Variants in CADM1 observed in about 807,000 individuals in gnomAD.
The protein encoded by CADM1 is TSLC-1.
A neutral mutation model predicts 53.1 loss-of-function variants in CADM1; 15 were observed. The ratio of observed to expected loss-of-function variants is 0.28; its 90% CI spans 0.19 to 0.44. CADM1 has a LOEUF of 0.44. Among genes scored for constraint, CADM1 ranks in the 20% least tolerant of loss-of-function variants. The pLI, the probability that CADM1 is intolerant of heterozygous loss-of-function variation, is 1.00. For missense variants in CADM1, 434 were observed against 611.3 expected, an observed-to-expected ratio of 0.71 and a Z score of 3.06; for synonymous variants, 281 against 243.0, an observed-to-expected ratio of 1.16 and a Z score of -1.45.
At chr11:115,411,520 C>A (rs1385659817) in intron 1 of CADM1, among the ~76,000 whole-genome samples, 2 of 152,152 alleles carry the variant, frequency 1.3e-5, no homozygotes, top group African/African-American at 4.8e-5. Context: ...CTACAATCTG[C>A]CACATGAAAT....
intron 10 of CADM1, among the ~76,000 whole-genome samples, chr11:115,180,227 C>G (rs1314570865): frequency 6.6e-6 from 1 of 152,094 alleles, no homozygotes; most frequent in Non-Finnish European, 1.5e-5. Flanking sequence ...GGAAATAACT[C>G]GTGACTGAGG....
intron 1 of CADM1, among the ~76,000 whole-genome samples, chr11:115,480,749 G>A (rs1591290057): frequency 6.6e-6 from 1 of 152,108 alleles, no homozygotes; most frequent in African/African-American, 2.4e-5. Context: ...ACCCTGCACA[G>A]CTCCATCTCA....
chr11:115,385,427 C>A (rs1946675810), intron 1 of CADM1, among the ~76,000 whole-genome samples: 1 of 152,006 alleles, frequency 6.6e-6, no homozygotes, highest in Admixed American at 6.6e-5. Context: ...TTGAAACAGA[C>A]AATAAAACAA....
chr11:115,291,413 C>T (rs1195811391), intron 1 of CADM1, among the ~76,000 whole-genome samples: 1 of 152,152 alleles, frequency 6.6e-6, no homozygotes, highest in East Asian at 1.9e-4. Context: ...TTACTAAAAG[C>T]ATCCACCTGC....
intron 1 of CADM1, among the ~76,000 whole-genome samples, chr11:115,374,177 G>T (rs1946382418): frequency 6.6e-6 from 1 of 152,032 alleles, no homozygotes; most frequent in Non-Finnish European, 1.5e-5. Context: ...GATGAGCCTG[G>T]AATATCTTAT....
chr11:115,385,733 G>C (rs182313099), intron 1 of CADM1, among the ~76,000 whole-genome samples: 3 of 151,714 alleles, frequency 2.0e-5, no homozygotes, highest in Non-Finnish European at 2.9e-5. Context: ...AATATAAGTA[G>C]ATAAAGCCTT....
intron 1 of CADM1, among the ~76,000 whole-genome samples, chr11:115,327,946 ACTGT>A (rs1430576501): frequency 6.6e-6 from 1 of 152,116 alleles, no homozygotes; most frequent in Non-Finnish European, 1.5e-5. Context: ...TCTATTAAGA[ACTGT>A]CTTACACTCA....
rs570781560 is a variant in CADM1, at chr11:115,504,197, T to TC, written c.124+73dup. 387 of 1,548,164 alleles carry TC rather than the reference T, an allele frequency of 2.5e-4. No individual in the cohort carries two copies. The African/African-American group carries it at 4.7e-3, about 19-fold the overall frequency. On this transcript the variant is annotated intron_variant, in intron 1 of 11. Coordinates refer to ENST00000331581, the MANE Select transcript of CADM1 (RefSeq NM_001301043.2). ...GGGGGGAGGTTGTCATGGAAACGTT[T>TC]CCCCCCTCTGTGGCCAAGGCTACTG...
At chr11:115,267,016 C>T (rs186294352) in intron 1 of CADM1, among the ~76,000 whole-genome samples, 18 of 152,276 alleles carry the variant, frequency 1.2e-4, no homozygotes, top group Admixed American at 3.9e-4. Flanking sequence ...ATGAGTAGAT[C>T]GACAGCCCTT....
chr11:115,452,283 T>C (rs1346219154), intron 1 of CADM1, among the ~76,000 whole-genome samples: 1 of 152,122 alleles, frequency 6.6e-6, no homozygotes, highest in African/African-American at 2.4e-5. Context: ...TCTGATTATG[T>C]GAACCAGACT....
chr11:115,444,760 C>T (rs1948411695), intron 1 of CADM1, among the ~76,000 whole-genome samples: 1 of 152,152 alleles, frequency 6.6e-6, no homozygotes, highest in Non-Finnish European at 1.5e-5. Context: ...TTTCACATTA[C>T]TAGTAGAAAA....
intron 1 of CADM1, among the ~76,000 whole-genome samples, chr11:115,412,031 C>T (rs1341081059): frequency 2.0e-5 from 3 of 152,086 alleles, no homozygotes; most frequent in Non-Finnish European, 4.4e-5. Flanking sequence ...TGAAAATATG[C>T]TAGTTCACTC....
intron 1 of CADM1, among the ~76,000 whole-genome samples, chr11:115,321,499 C>G (rs570404323): frequency 7.9e-5 from 12 of 152,096 alleles, no homozygotes; most frequent in Non-Finnish European, 1.6e-4. Context: ...AAATCATATT[C>G]CAATGCATTT....
At chr11:115,231,122 T>C (rs1483055860) in intron 4 of CADM1, among the ~76,000 whole-genome samples, 1 of 152,158 alleles carries the variant, frequency 6.6e-6, no homozygotes, top group South Asian at 2.1e-4. Flanking sequence ...GGCATCTGAG[T>C]AGAGCGACAG....
chr11:115,371,110 GA>G (rs916415161), intron 1 of CADM1, among the ~76,000 whole-genome samples: 10 of 151,954 alleles, frequency 6.6e-5, no homozygotes, highest in African/African-American at 2.4e-4. Context: ...TGACAGGGAG[GA>G]AAAAAGTGCA....
intron 3 of CADM1, among the ~76,000 whole-genome samples, chr11:115,232,010 T>TAACAAC (rs553618979): frequency 0.35 from 49,125 of 140,632 alleles, 9,794 homozygotes; most frequent in Non-Finnish European, 0.46. Context: ...ATAATAATAA[T>TAACAAC]AATAACAACA....
Position 115,210,286 on chromosome 11 carries a change from T to C in CADM1, c.995-629A>G, listed in dbSNP as rs191272443. Reference sequence around the variant, plus strand: ...TTTAAAAGTCAATAAATTTTACAACTTATAAATATTAATAAGTTGCCTTTG... The same window carrying C: ...TTTAAAAGTCAATAAATTTTACAACCTATAAATATTAATAAGTTGCCTTTG... On this transcript the variant is annotated intron_variant, in intron 7 of 11. Transcript: ENST00000331581. Among the ~76,000 whole-genome samples the C allele has an allele frequency of 3.1e-3, 467 of 152,348 alleles. 7 individuals are homozygous for C. The highest frequency in any genetic ancestry group is 0.011 in the African/African-American group (444 of 41,584).
chr11:115,342,898 A>G (rs1439076602), intron 1 of CADM1, among the ~76,000 whole-genome samples: 1 of 152,162 alleles, frequency 6.6e-6, no homozygotes, highest in East Asian at 1.9e-4. Context: ...TTCAATATAC[A>G]AAACTTTGTA....
chr11:115,252,621 C>T (rs1306294684), intron 1 of CADM1, among the ~76,000 whole-genome samples: 1 of 152,180 alleles, frequency 6.6e-6, no homozygotes, highest in Admixed American at 6.5e-5. Flanking sequence ...GACTTATCGT[C>T]TGGGTTTCCT....
Sources: allele counts gnomAD v4.1 joint callset (sites outside exome capture counted in the v4.1 genomes callset), GRCh38; gene constraint gnomAD v4.1.1; transcripts MANE v1.5; gene names NCBI Gene and HGNC (gene_info 2026-07-23, HGNC 2026-07-21).